The following PLEKHG3 variants were observed in gnomAD, a reference collection of about 807,000 sequenced individuals.
PLEKHG3 encodes the protein pleckstrin homology domain-containing family G member 3.
A neutral mutation model predicts 94.9 loss-of-function variants in PLEKHG3; 62 were observed. The ratio of observed to expected loss-of-function variants is 0.65; its 90% CI spans 0.53 to 0.81. The LOEUF is 0.81. Among genes scored for constraint, PLEKHG3 ranks in the 30% least tolerant of loss-of-function variants. PLEKHG3 has a pLI of 0.00. For synonymous variants in PLEKHG3, 614 were observed against 654.0 expected (o/e 0.94, Z 0.93); for missense variants, 1,461 against 1,619.3 (o/e 0.90, Z 1.68).
chr14:64,731,654 C>T lies in PLEKHG3; in HGVS notation c.1033-60C>T, dbSNP rs2081467572. ...TCCAGCACCACCCTTCTGAGATCACCCTCCCTGCTTCCCCAGGCTGTCAAC... is the reference window on the plus strand; with the variant it reads ...TCCAGCACCACCCTTCTGAGATCACTCTCCCTGCTTCCCCAGGCTGTCAAC... On this transcript the variant is annotated intron_variant, in intron 8 of 16. Coordinates refer to ENST00000247226, the MANE Select transcript of PLEKHG3 (RefSeq NM_001308147.2). The surrounding 1 kb of genome is among the most constrained non-coding windows in gnomAD (Gnocchi z 6.1). 1.3e-6 allele frequency: 2 copies of T among 1,511,900 alleles called. No individual in the cohort carries two copies. Among genetic ancestry groups the T allele is most frequent in the South Asian group, 2.2e-5 (2 of 89,014 alleles). 93.7% of individuals were successfully genotyped at this position (1,511,900 alleles called of 1,614,324 possible).
At chr14:64,735,101 C>T (rs1467661069) in intron 12 of PLEKHG3, among the ~76,000 whole-genome samples, 1 of 152,138 alleles carries the variant, frequency 6.6e-6, no homozygotes, top group Non-Finnish European at 1.5e-5. Context: ...ACCGTTGAAC[C>T]TTTCCTTTTC....
intron 1 of PLEKHG3, among the ~76,000 whole-genome samples, chr14:64,710,195 C>T (rs2081045632): frequency 6.6e-6 from 1 of 152,296 alleles, no homozygotes; most frequent in East Asian, 1.9e-4. Flanking sequence ...TAACACCTCT[C>T]CTACCCTAAA....
chr14:64,737,812 G>A (rs2081601475), intron 14 of PLEKHG3: 3 of 997,050 alleles, frequency 3.0e-6, no homozygotes, highest in African/African-American at 1.7e-5. Flanking sequence ...GCAGGAGGAC[G>A]GGAGGTTGCC....
In PLEKHG3 at chr14:64,743,357, G is replaced by A; in HGVS notation, c.3314G>A (p.Arg1105Lys). Residue 1105 changes from arginine to lysine, a missense_variant, in exon 17 of 17, where the codon AGG becomes AAG. Around this residue, in one of 3 missense-constraint regions of PLEKHG3, gnomAD observed 1,201 missense variants for 1,295.5 expected, o/e 0.93. Transcript: ENST00000247226. The surrounding 1 kb of genome is among the most constrained non-coding windows in gnomAD (Gnocchi z 7.2). Reference protein sequence around the residue: ...VGRCRSLSTKRGRGGGEAAQS... With the variant: ...VGRCRSLSTKKGRGGGEAAQS... Reference sequence around the variant, plus strand: ...CGCTGCCGCAGCCTGAGCACCAAGAGGGGCCGGGGAGGCGGAGAGGCTGCC... The same window carrying A: ...CGCTGCCGCAGCCTGAGCACCAAGAAGGGCCGGGGAGGCGGAGAGGCTGCC... 3.7e-6 allele frequency: 6 copies of A among 1,607,900 alleles called. No homozygotes were observed. The highest frequency in any genetic ancestry group is 5.1e-6 in the Non-Finnish European group (6 of 1,177,256).
At position 64,749,811 on chromosome 14, in the gene PLEKHG3, G is replaced by A; in HGVS notation, c.*6108G>A. ...CGAACATCCAGACCCCTCTCAGGCAGCCCAGCACTTTCTGAGAGGTCAAAG... is the reference window on the plus strand; with the variant it reads ...CGAACATCCAGACCCCTCTCAGGCAACCCAGCACTTTCTGAGAGGTCAAAG... On this transcript the variant is annotated 3_prime_UTR_variant, in exon 17 of 17. Coordinates refer to ENST00000247226, the MANE Select transcript of PLEKHG3 (RefSeq NM_001308147.2). This position sits in a 1 kb window ranked among gnomAD's most constrained non-coding sequence, Gnocchi z 4.7. 2.0e-6 allele frequency: 3 copies of A among 1,499,868 alleles called. No homozygotes were observed. Among genetic ancestry groups the A allele is most frequent in the Admixed American group, 1.9e-5 (1 of 53,260 alleles). The allele number at this position is 1,499,868 out of a possible 1,614,324, so 92.9% of individuals were successfully genotyped here. A position where few individuals can be genotyped will look rare whatever the true frequency, so the allele number is the denominator to read the frequency against.
chr14:64,740,373 G>C (rs531439299), intron 15 of PLEKHG3, among the ~76,000 whole-genome samples: 1 of 152,352 alleles, frequency 6.6e-6, no homozygotes, highest in South Asian at 2.1e-4. Flanking sequence ...GTGGTCAAGA[G>C]GGAATTCTCA....
rs2081429328 is a variant in PLEKHG3 at position 64,730,042 on chromosome 14, C to T, written c.450-201C>T. On this transcript the variant is annotated intron_variant, in intron 3 of 16. Coordinates refer to ENST00000247226, the MANE Select transcript of PLEKHG3 (RefSeq NM_001308147.2). This position sits in a 1 kb window ranked among gnomAD's most constrained non-coding sequence, Gnocchi z 5.4. Reference sequence around the variant, plus strand: ...TTGAGCCTGTAGGTCTCCCTGACTTCCTGCTTTGTGGCTGCTTTGTGTTGG... The same window carrying T: ...TTGAGCCTGTAGGTCTCCCTGACTTTCTGCTTTGTGGCTGCTTTGTGTTGG... Among the ~76,000 whole-genome samples the T allele has an allele frequency of 6.6e-6, 1 of 152,216 alleles. No homozygotes were observed.
At position 64,744,520 on chromosome 14, in the gene PLEKHG3, G is replaced by A. The variant is rs1404846028; in HGVS notation, c.*817G>A. 1 of 152,150 alleles carries A rather than the reference G, an allele frequency of 6.6e-6. No individual in the cohort carries two copies. Among genetic ancestry groups the A allele is most frequent in the Non-Finnish European group, 1.5e-5 (1 of 68,032 alleles). The allele number at this position is 152,150 out of a possible 1,614,324, so 9.4% of individuals were successfully genotyped here. On this transcript the variant is annotated 3_prime_UTR_variant, in exon 17 of 17. Coordinates refer to ENST00000247226, the MANE Select transcript of PLEKHG3 (RefSeq NM_001308147.2). ...TGGGGGAGGTGGGGCAGGAGGATGTGAGGGCGGGCTTTTTCTTTCTGCTGC... is the reference window on the plus strand; with the variant it reads ...TGGGGGAGGTGGGGCAGGAGGATGTAAGGGCGGGCTTTTTCTTTCTGCTGC...
In PLEKHG3 at chr14:64,725,450, G is replaced by C. The variant is rs1460123502; in HGVS notation, c.-39-2143G>C. 6.6e-6 allele frequency among the ~76,000 whole-genome samples: 1 copy of C among 152,200 alleles called. No homozygotes were observed. Among genetic ancestry groups the C allele is most frequent in the Non-Finnish European group, 1.5e-5 (1 of 68,040 alleles). ...ACATCAGAGTGCCACAGGGCTGGGG[G>C]TTAAGGGCTGGGGTGGAGCTTGGGT... On this transcript the variant is annotated intron_variant, in intron 1 of 16. Coordinates refer to ENST00000247226, the MANE Select transcript of PLEKHG3 (RefSeq NM_001308147.2). This position sits in a 1 kb window ranked among gnomAD's most constrained non-coding sequence, Gnocchi z 5.0.
intron 12 of PLEKHG3, among the ~76,000 whole-genome samples, chr14:64,733,865 G>A (rs767304234): frequency 5.3e-5 from 8 of 152,186 alleles, no homozygotes; most frequent in East Asian, 1.9e-4. Flanking sequence ...TGGTTTTTTC[G>A]TTGCTATTTA....
At chr14:64,712,276 G>A (rs986421116) in intron 1 of PLEKHG3, among the ~76,000 whole-genome samples, 1 of 151,862 alleles carries the variant, frequency 6.6e-6, no homozygotes, top group African/African-American at 2.4e-5. Context: ...CCCCAACTTG[G>A]TTCTTTTTCA....
In PLEKHG3 at chr14:64,743,269, G is replaced by A. The variant is rs199659393; in HGVS notation, c.3226G>A (p.Val1076Ile). ...AGGGRPRGPP[V>I]NRSHSVPENM... ...GGGCGGCCGGCCCCGCGGCCCACCCGTCAACAGGAGCCACTCGGTGCCGGA... is the reference window on the plus strand; with the variant it reads ...GGGCGGCCGGCCCCGCGGCCCACCCATCAACAGGAGCCACTCGGTGCCGGA... The change falls in exon 17 of 17, where the codon GTC becomes ATC. Residue 1076 changes from valine to isoleucine, a missense_variant. Around this residue, in one of 3 missense-constraint regions of PLEKHG3, gnomAD observed 1,201 missense variants for 1,295.5 expected, o/e 0.93. Coordinates refer to ENST00000247226, the MANE Select transcript of PLEKHG3 (RefSeq NM_001308147.2). The surrounding 1 kb of genome is among the most constrained non-coding windows in gnomAD (Gnocchi z 7.2). 560 of 1,606,786 alleles carry A rather than the reference G, an allele frequency of 3.5e-4. No homozygotes were observed. The highest frequency in any genetic ancestry group is 4.2e-4 in the Non-Finnish European group (499 of 1,178,736).
At position 64,732,488 on chromosome 14, in the gene PLEKHG3, G is replaced by T; in HGVS notation, c.1246+28G>T. On this transcript the variant is annotated intron_variant, in intron 11 of 16. Coordinates refer to ENST00000247226, the MANE Select transcript of PLEKHG3 (RefSeq NM_001308147.2). The surrounding 1 kb of genome is among the most constrained non-coding windows in gnomAD (Gnocchi z 4.9). ...AAGTGTACCCTTTTCTGCCTGTTTT[G>T]TCCCTAATCGTGCACATTGCTAGGT... 4.4e-6 allele frequency: 7 copies of T among 1,601,114 alleles called. No homozygotes were observed. Among genetic ancestry groups the T allele is most frequent in the Non-Finnish European group, 6.0e-6 (7 of 1,168,286 alleles).
intron 1 of PLEKHG3, among the ~76,000 whole-genome samples, chr14:64,708,899 G>T (rs1424435276): frequency 6.6e-6 from 1 of 151,866 alleles, no homozygotes; most frequent in Non-Finnish European, 1.5e-5. Context: ...CTGCCAGTTG[G>T]TGCCTGGAGA....
At position 64,736,814 on chromosome 14, in the gene PLEKHG3, C is replaced by A. The variant is rs201799777; in HGVS notation, c.1346-39C>A. 2.6e-6 allele frequency: 4 copies of A among 1,552,850 alleles called. No homozygotes were observed. The East Asian group carries it at 9.0e-5, about 35-fold the overall frequency. On this transcript the variant is annotated intron_variant, in intron 12 of 16. Transcript: ENST00000247226. ...GGGACCCAGCCAGGCACAGCAGTTT[C>A]CTGGCCCGCGCTGACTCTGCTCATG...
rs771074776 is a variant in PLEKHG3, at chr14:64,741,648, A to C, written c.2131A>C (p.Thr711Pro). ...SCKKKESALS[T>P]RDRLLLDKIK... is the part of the protein sequence containing the mutation. ...CAAGAAGAAGGAATCAGCACTCTCC[A>C]CCCGAGACCGGCTGTTGCTAGACAA... is the stretch of plus-strand genomic sequence containing the variant. The change falls in exon 16 of 17, where the codon ACC becomes CCC. Residue 711 changes from threonine (T) to proline (P), a missense_variant. Physicochemically the swap from Thr to Pro is conservative, Grantham distance 38. Transcript: ENST00000247226. 11 of 1,612,850 alleles carry C rather than the reference A, an allele frequency of 6.8e-6. No individual in the cohort carries two copies. Among genetic ancestry groups the C allele is most frequent in the Non-Finnish European group, 9.3e-6 (11 of 1,180,012 alleles).
At chr14:64,733,327 A>C (rs1236007813) in intron 12 of PLEKHG3, among the ~76,000 whole-genome samples, 3 of 150,660 alleles carry the variant, frequency 2.0e-5, no homozygotes, top group Non-Finnish European at 4.4e-5. Context: ...ACCACACCCA[A>C]CTAATTTTTG....
chr14:64,736,970 G>T (rs2081583849), intron 13 of PLEKHG3, 79 bp downstream of exon 13: 2 of 1,053,308 alleles, frequency 1.9e-6, no homozygotes, highest in South Asian at 2.5e-5. Flanking sequence ...ACAACCTGGG[G>T]TGTGACCTGA....
In PLEKHG3 at chr14:64,727,501, AC is replaced by A; in HGVS notation, c.-39-88del. 1 of 280,840 alleles carries A rather than the reference AC, an allele frequency of 3.6e-6. No individual in the cohort carries two copies. The highest frequency in any genetic ancestry group is 6.9e-6 in the Non-Finnish European group (1 of 144,342). The allele number at this position is 280,840 out of a possible 1,614,324, so 17.4% of individuals were successfully genotyped here. A position where few individuals can be genotyped will look rare whatever the true frequency, so the allele number is the denominator to read the frequency against. ...TGGATGCACTAAATAATACCTTCCC[AC>A]CCCACCTGCCCCCACCCCTGGCAAC... On this transcript the variant is annotated intron_variant, in intron 1 of 16. Coordinates refer to ENST00000247226, the MANE Select transcript of PLEKHG3 (RefSeq NM_001308147.2). The surrounding 1 kb of genome is among the most constrained non-coding windows in gnomAD (Gnocchi z 6.0).
Sources: gnomAD v4.1 joint callset for allele counts (sites outside exome capture counted in the v4.1 genomes callset) on GRCh38, gnomAD v4.1.1 for gene constraint, gnomAD v4.1.1 regional missense constraint, Gnocchi (gnomAD v3.1) non-coding constraint, MANE v1.5 for transcripts, NCBI Gene and HGNC (gene_info 2026-07-23, HGNC 2026-07-21) for gene names.